KLHDC4: variants seen among roughly 807,000 people sequenced by gnomAD.
The protein encoded by KLHDC4 is kelch domain containing 4.
In KLHDC4, 90 loss-of-function variants were observed where a neutral mutation model predicts 62.4. The observed-to-expected ratio is 1.44, with a 90% CI of 1.22 to 1.72. The LOEUF (loss-of-function observed/expected upper bound fraction) is 1.72, where lower values mean the gene tolerates loss of function less well. Ranked by LOEUF, KLHDC4 falls within the 40% of genes most tolerant of loss-of-function variation. The pLI is 0.00. For synonymous variants in KLHDC4, 386 were observed against 284.4 expected (o/e 1.36, Z -3.59); for missense variants, 1,025 against 699.7 (o/e 1.47, Z -5.25).
downstream of KLHDC4, among the ~76,000 whole-genome samples, chr16:87,704,200 G>A (rs1226015992): frequency 1.3e-5 from 2 of 152,238 alleles, no homozygotes; most frequent in African/African-American, 4.8e-5. Context: ...GCGGGGTCTC[G>A]CCTCGTCACC....
At chr16:87,729,800 C>T (rs969869792) in intron 6 of KLHDC4, among the ~76,000 whole-genome samples, 2 of 152,150 alleles carry the variant, frequency 1.3e-5, no homozygotes, top group African/African-American at 4.8e-5. Context: ...GTGAAGTCCC[C>T]TGGCCAGCAA....
At chr16:87,765,536 ACAC>A (rs1053173934) in intron 1 of KLHDC4, among the ~76,000 whole-genome samples, 3 of 152,072 alleles carry the variant, frequency 2.0e-5, no homozygotes, top group Admixed American at 6.5e-5. Context: ...AACGCCCGTG[ACAC>A]CACACTAAGA....
chr16:87,763,782 T>C (rs184777484), intron 1 of KLHDC4, among the ~76,000 whole-genome samples: 16 of 152,278 alleles, frequency 1.1e-4, no homozygotes, highest in South Asian at 8.3e-4. Flanking sequence ...CTCATCATCA[T>C]TGGGTGACTG....
At chr16:87,744,138 G>A (rs1034037803) in intron 5 of KLHDC4, among the ~76,000 whole-genome samples, 10 of 151,830 alleles carry the variant, frequency 6.6e-5, no homozygotes, top group South Asian at 4.2e-4. Context: ...AATTAAGGCT[G>A]GGTACAGTGG....
At chr16:87,748,303 T>C (rs114221665) in intron 5 of KLHDC4, among the ~76,000 whole-genome samples, 135 of 152,312 alleles carry the variant, frequency 8.9e-4, no homozygotes, top group African/African-American at 3.2e-3. Flanking sequence ...AACGTGCCTT[T>C]TAGTCAATGA....
chr16:87,759,680 C>G (rs1380199804), intron 2 of KLHDC4, among the ~76,000 whole-genome samples: 1 of 151,960 alleles, frequency 6.6e-6, no homozygotes, highest in Non-Finnish European at 1.5e-5. Context: ...TAGGAGGCTA[C>G]AGTGAGCCGA....
Position 87,765,819 on chromosome 16 carries a change from C to A in KLHDC4, c.72G>T (p.Lys24Asn). ...AEKTAAKMEKKVSKRSRKEEE... is the reference protein window; with the variant it reads ...AEKTAAKMEKNVSKRSRKEEE... ...CCTCCTTCCGCGAGCGCTTAGACAC[C>A]TTCTTCTCCATCTTGGCGGCCGTCT... Residue 24 changes from lysine to asparagine, a missense_variant, in exon 1 of 12, where the codon AAG becomes AAT. Physicochemically the swap from Lys to Asn is moderately conservative, Grantham distance 94 (BLOSUM62 0). Transcript: ENST00000270583. 1 of 1,568,330 alleles carries A rather than the reference C, an allele frequency of 6.4e-7. No homozygotes were observed. Among genetic ancestry groups the A allele is most frequent in the Non-Finnish European group, 8.6e-7 (1 of 1,156,216 alleles).
In KLHDC4 at chr16:87,765,913, C is replaced by A. The variant is rs747202602; in HGVS notation, c.-23G>T. On this transcript the variant is annotated 5_prime_UTR_variant, in exon 1 of 12. Transcript: ENST00000270583. ...CATCTTGCCGGGTCCCAAGCCGCGA[C>A]GGGACACCAGGAAAGAAAACGGCCC... is the stretch of plus-strand genomic sequence containing the variant. 62 of 1,549,352 alleles carry A rather than the reference C, an allele frequency of 4.0e-5. No individual in the cohort carries two copies. The highest frequency in any genetic ancestry group is 5.3e-5 in the Non-Finnish European group (61 of 1,145,922).
At chr16:87,730,429 G>C (rs745352385) in intron 6 of KLHDC4, 123 bp downstream of exon 6, 18 of 805,662 alleles carry the variant, frequency 2.2e-5, no homozygotes, top group Non-Finnish European at 3.5e-5. Context: ...GCTGCCCAAA[G>C]CTCATGAAGC....
exon 1 of KLHDC4, chr16:87,702,398 C>T (rs1010072795): frequency 5.2e-6 from 2 of 384,228 alleles, no homozygotes; most frequent in South Asian, 3.8e-5. Context: ...GTGCCTGGCC[C>T]GTCCTGCACC....
At chr16:87,749,747 C>G (rs187299775) in intron 4 of KLHDC4, among the ~76,000 whole-genome samples, 67 of 152,146 alleles carry the variant, frequency 4.4e-4, no homozygotes, top group Non-Finnish European at 7.1e-4. Context: ...TCATGCCCAG[C>G]TGTTTAATTT....
chr16:87,748,754 G>T lies in KLHDC4; in HGVS notation c.425C>A (p.Ala142Asp). Residue 142 changes from alanine (A) to aspartate (D), a missense_variant, in exon 5 of 12, where the codon GCC (alanine) becomes GAC (aspartate). Transcript: ENST00000270583. Reference sequence around the variant, plus strand: ...GTAGAACTGCTCTCCGTTGGGAGAGGCAAACTCCCCTCCAAAGACCCACAG... The same window carrying T: ...GTAGAACTGCTCTCCGTTGGGAGAGTCAAACTCCCCTCCAAAGACCCACAG... ...GQLWVFGGEF[A>D]SPNGEQFYHY... The T allele has an allele frequency of 6.2e-7, 1 of 1,613,196 alleles. No individual in the cohort carries two copies. Among genetic ancestry groups the T allele is most frequent in the Admixed American group, 1.7e-5 (1 of 59,870 alleles).
At chr16:87,737,106 C>CAAAAAA (rs55787836) in intron 5 of KLHDC4, among the ~76,000 whole-genome samples, 76 of 64,592 alleles carry the variant, frequency 1.2e-3, no homozygotes, top group African/African-American at 1.3e-3. Context: ...GCCTGGGCGA[C>CAAAAAA]AAAAAAAAAA....
At chr16:87,753,934 T>C (rs990204818) in intron 4 of KLHDC4, among the ~76,000 whole-genome samples, 6 of 146,842 alleles carry the variant, frequency 4.1e-5, no homozygotes, top group African/African-American at 7.7e-5. Context: ...GATCACACCA[T>C]TGTACTCTTA....
At chr16:87,753,036 C>T (rs2044271765) in intron 4 of KLHDC4, among the ~76,000 whole-genome samples, 1 of 152,194 alleles carries the variant, frequency 6.6e-6, no homozygotes, top group Non-Finnish European at 1.5e-5. Context: ...CAGCTCCTTC[C>T]CTGGAGCAGG....
At chr16:87,732,075 A>G (rs2040468846) in intron 5 of KLHDC4, among the ~76,000 whole-genome samples, 1 of 151,194 alleles carries the variant, frequency 6.6e-6, no homozygotes, top group Non-Finnish European at 1.5e-5. Context: ...CTGTGGTGCT[A>G]ATTACATAAG....
chr16:87,717,524 G>C (rs1015822424), intron 7 of KLHDC4, among the ~76,000 whole-genome samples: 3 of 152,228 alleles, frequency 2.0e-5, no homozygotes, highest in Admixed American at 6.5e-5. Flanking sequence ...ATCTCAGGAA[G>C]TGAAAACTGA....
At chr16:87,765,283 TCTTCA>T (rs1597456014) in intron 1 of KLHDC4, 1 of 456,134 alleles carries the variant, frequency 2.2e-6, no homozygotes, top group Non-Finnish European at 4.4e-6. Context: ...TCCAGTGCCT[TCTTCA>T]CTTAACCATC....
At chr16:87,748,475 C>A (rs2043381600) in intron 5 of KLHDC4, among the ~76,000 whole-genome samples, 198 bp downstream of exon 5, 1 of 152,140 alleles carries the variant, frequency 6.6e-6, no homozygotes. Context: ...GCTGGCACCC[C>A]CCACACCCGG....
Sources: allele counts gnomAD v4.1 joint callset (sites outside exome capture counted in the v4.1 genomes callset), GRCh38; gene constraint gnomAD v4.1.1; transcripts MANE v1.5; gene names NCBI Gene and HGNC (gene_info 2026-07-23, HGNC 2026-07-21).